Variants in EPB41L4A observed in about 807,000 individuals in gnomAD.
EPB41L4A encodes the protein band 4.1-like protein 4A.
EPB41L4A carries 100 observed loss-of-function variants against 108.6 expected under a neutral mutation model. The observed-to-expected ratio is 0.92, with a 90% CI of 0.78 to 1.09. The LOEUF (loss-of-function observed/expected upper bound fraction) is 1.09. EPB41L4A is among the 50% of genes least tolerant of loss of function. EPB41L4A has a pLI of 0.00. For missense variants in EPB41L4A, 1,030 were observed against 842.7 expected (o/e 1.22, Z -2.75); for synonymous variants, 319 against 289.0 (o/e 1.10, Z -1.05).
downstream of EPB41L4A, among the ~76,000 whole-genome samples, chr5:112,142,017 T>C (rs1434185108): frequency 6.6e-6 from 1 of 152,180 alleles, no homozygotes. Flanking sequence ...GCCGAATTAT[T>C]TTTGTAGAAG....
At chr5:112,392,449 A>C (rs1200379256) in intron 1 of EPB41L4A, among the ~76,000 whole-genome samples, 1 of 150,050 alleles carries the variant, frequency 6.7e-6, no homozygotes, top group Non-Finnish European at 1.5e-5. Flanking sequence ...CCTAGTCTCT[A>C]ATAAAACAGA....
chr5:112,241,828 G>A (rs140596562), intron 9 of EPB41L4A, among the ~76,000 whole-genome samples: 1 of 152,264 alleles, frequency 6.6e-6, no homozygotes, highest in African/African-American at 2.4e-5. Context: ...GCAATAAAGT[G>A]AATATTGCAA....
At chr5:112,216,726 A>G (rs903784619) in intron 12 of EPB41L4A, among the ~76,000 whole-genome samples, 31 of 152,202 alleles carry the variant, frequency 2.0e-4, no homozygotes, top group Admixed American at 1.7e-3. Context: ...ACCCAGTTCA[A>G]CTTATCAAAA....
intron 1 of EPB41L4A, among the ~76,000 whole-genome samples, chr5:112,407,233 G>A (rs1208378899): frequency 2.6e-5 from 4 of 152,096 alleles, no homozygotes; most frequent in African/African-American, 4.8e-5. Context: ...TTTTTCAAGC[G>A]TTTGAATACT....
chr5:112,219,295 A>C (rs1411370630), intron 12 of EPB41L4A, among the ~76,000 whole-genome samples: 1 of 152,154 alleles, frequency 6.6e-6, no homozygotes, highest in African/African-American at 2.4e-5. Flanking sequence ...AACTCTCACA[A>C]GAGCTGATGG....
At chr5:112,331,574 T>G (rs571047797) in intron 1 of EPB41L4A, among the ~76,000 whole-genome samples, 8 of 152,310 alleles carry the variant, frequency 5.3e-5, no homozygotes, top group Non-Finnish European at 1.0e-4. Flanking sequence ...ACTTGGTGCC[T>G]GGGGCCAGAG....
intron 1 of EPB41L4A, among the ~76,000 whole-genome samples, chr5:112,379,048 C>G (rs114249188): frequency 0.017 from 2,592 of 152,204 alleles, 60 homozygotes; most frequent in African/African-American, 0.059. Context: ...AACACCTTTA[C>G]AAAGGTGGTG....
chr5:112,237,730 A>G (rs1219103378), intron 11 of EPB41L4A, among the ~76,000 whole-genome samples: 1 of 152,012 alleles, frequency 6.6e-6, no homozygotes, highest in Non-Finnish European at 1.5e-5. Context: ...TTGACAATAA[A>G]CAGTCTGTGT....
At chr5:112,373,281 G>A (rs578219582) in intron 1 of EPB41L4A, among the ~76,000 whole-genome samples, 1 of 152,284 alleles carries the variant, frequency 6.6e-6, no homozygotes, top group East Asian at 1.9e-4. Context: ...GACAGAACCG[G>A]AAGTTGCTAC....
At chr5:112,169,669 C>T (rs1666149856) in intron 20 of EPB41L4A, among the ~76,000 whole-genome samples, 1 of 152,096 alleles carries the variant, frequency 6.6e-6, no homozygotes, top group African/African-American at 2.4e-5. Flanking sequence ...TCAATTATAC[C>T]TTAATAATTA....
intron 1 of EPB41L4A, among the ~76,000 whole-genome samples, chr5:112,386,022 C>CT (rs1201564644): frequency 6.6e-6 from 1 of 152,238 alleles, no homozygotes; most frequent in Non-Finnish European, 1.5e-5. Flanking sequence ...TTCAACTACT[C>CT]TTATTTCTAA....
chr5:112,346,215 C>CTTTTTTTTTTTTTTTTTTTTTTTTT (rs1479210695), intron 1 of EPB41L4A, among the ~76,000 whole-genome samples: 2 of 49,068 alleles, frequency 4.1e-5, no homozygotes, highest in Non-Finnish European at 5.4e-5. Flanking sequence ...AGGTACATTG[C>CTTTTTTTTTTTTTTTTTTTTTTTTT]ATTTTTTTTT....
intron 9 of EPB41L4A, chr5:112,257,107 G>A (rs1045661448): frequency 1.3e-5 from 2 of 152,102 alleles, no homozygotes; most frequent in Non-Finnish European, 2.9e-5. Context: ...TGGGTTTTAA[G>A]GGGCTTTTAA....
chr5:112,170,907 TG>T, intron 19 of EPB41L4A, 37 bp downstream of exon 19: 1 of 1,570,052 alleles, frequency 6.4e-7, no homozygotes, highest in Non-Finnish European at 8.8e-7. Flanking sequence ...TAAAACTACA[TG>T]GGTTTTAAAA....
chr5:112,304,683 T>C (rs535881426), intron 2 of EPB41L4A, among the ~76,000 whole-genome samples: 1 of 152,286 alleles, frequency 6.6e-6, no homozygotes, highest in South Asian at 2.1e-4. Context: ...TCCGCTGATA[T>C]CACCAGCAAT....
At chr5:112,396,097 C>T (rs1761326752) in intron 1 of EPB41L4A, among the ~76,000 whole-genome samples, 1 of 151,584 alleles carries the variant, frequency 6.6e-6, no homozygotes, top group South Asian at 2.1e-4. Context: ...TGGGGCCTGT[C>T]GTGGGGTTGG....
intron 1 of EPB41L4A, among the ~76,000 whole-genome samples, chr5:112,382,398 C>A (rs1227071558): frequency 2.0e-5 from 3 of 152,162 alleles, no homozygotes; most frequent in Non-Finnish European, 4.4e-5. Flanking sequence ...ACTATACCTG[C>A]AATGACGACA....
intron 1 of EPB41L4A, among the ~76,000 whole-genome samples, chr5:112,400,061 T>C (rs945287856): frequency 6.6e-6 from 1 of 152,146 alleles, no homozygotes; most frequent in African/African-American, 2.4e-5. Context: ...CTGGGTAACT[T>C]ATGAAAGAAA....
intron 12 of EPB41L4A, among the ~76,000 whole-genome samples, chr5:112,151,572 T>C (rs1008632242): frequency 6.6e-6 from 1 of 151,836 alleles, no homozygotes; most frequent in Non-Finnish European, 1.5e-5. Flanking sequence ...CACACCCAGA[T>C]AATTTTTGTA....
Sources: gnomAD v4.1 joint callset for allele counts (sites outside exome capture counted in the v4.1 genomes callset) on GRCh38, gnomAD v4.1.1 for gene constraint, MANE v1.5 for transcripts, NCBI Gene and HGNC (gene_info 2026-07-23, HGNC 2026-07-21) for gene names.